The following AKAP13 variants were observed in gnomAD, a reference collection of about 807,000 sequenced individuals.
AKAP13 encodes A-kinase anchor protein 13.
Under a neutral mutation model 264.5 loss-of-function variants are expected in AKAP13, and 80 were observed. That is an observed-to-expected ratio of 0.30 (90% CI 0.25 to 0.36). The LOEUF is 0.36. Ranked by LOEUF, AKAP13 falls within the 10% of genes least tolerant of loss-of-function variation. The pLI, the probability that AKAP13 is intolerant of heterozygous loss-of-function variation, is 1.00. For missense variants in AKAP13, 3,712 were observed against 3,435.2 expected (o/e 1.08, Z -2.01); for synonymous variants, 1,380 against 1,250.2 (o/e 1.10, Z -2.19).
Position 85,744,795 on chromosome 15 carries a change from C to A in AKAP13, c.*118C>A. ...GCCCACTGCTCCTCAGCGTCCAGTC[C>A]TCCTGGGCGGCCCCAGGTCCTGGAC... On this transcript the variant is annotated 3_prime_UTR_variant, in exon 37 of 37. Coordinates refer to ENST00000394518, the MANE Select transcript of AKAP13 (RefSeq NM_007200.5). 1 of 955,404 alleles carries A rather than the reference C, an allele frequency of 1.0e-6. No individual in the cohort carries two copies. Among genetic ancestry groups the A allele is most frequent in the Non-Finnish European group, 1.5e-6 (1 of 647,846 alleles). The allele number at this position is 955,404 out of a possible 1,614,324, so 59.2% of individuals were successfully genotyped here.
chr15:85,680,801 G>T (rs1326698318), intron 14 of AKAP13, among the ~76,000 whole-genome samples: 2 of 152,126 alleles, frequency 1.3e-5, no homozygotes, highest in Non-Finnish European at 2.9e-5. Context: ...TCAAATGCGG[G>T]TAATCTGGGA....
intron 4 of AKAP13, among the ~76,000 whole-genome samples, chr15:85,541,919 G>A (rs1471939302): frequency 4.6e-5 from 7 of 152,224 alleles, no homozygotes; most frequent in South Asian, 4.1e-4. Context: ...CTGAGCAGGC[G>A]TGTGGCTGTA....
At chr15:85,688,498 C>G (rs993259796) in intron 16 of AKAP13, among the ~76,000 whole-genome samples, 1 of 152,100 alleles carries the variant, frequency 6.6e-6, no homozygotes, top group African/African-American at 2.4e-5. Flanking sequence ...AGAGAAGTGT[C>G]TAAGGATTAT....
At chr15:85,744,426 AAGGGAGCATTAGGCAGTGAAGGAT>A in intron 36 of AKAP13, 178 bp from the exon 37 acceptor site, 1 of 589,938 alleles carries the variant, frequency 1.7e-6, no homozygotes, top group East Asian at 3.0e-5. Flanking sequence ...TTAAAAGTTA[AAGGGAGCATTAGGCAGTGAAGGAT>A]ATCACTTAAG....
intron 14 of AKAP13, among the ~76,000 whole-genome samples, chr15:85,672,513 A>G (rs2083986206): frequency 6.6e-6 from 1 of 152,256 alleles, no homozygotes; most frequent in African/African-American, 2.4e-5. Flanking sequence ...CAAGTGTTCA[A>G]TTCCAAGTCA....
In AKAP13 at chr15:85,727,062, C is replaced by T; in HGVS notation, c.6823-4C>T. ...CTTTTATTTGCCCTCTTCCCTTTTT[C>T]CAGGACCAGAAGTCAACAGTGATCT... On this transcript the variant is annotated splice_region_variant and splice_polypyrimidine_tract_variant and intron_variant, in intron 27 of 36. Transcript: ENST00000394518. The surrounding 1 kb of genome is among the most constrained non-coding windows in gnomAD (Gnocchi z 5.3). The T allele has an allele frequency of 1.2e-6, 2 of 1,613,534 alleles. No individual in the cohort carries two copies. The highest frequency in any genetic ancestry group is 1.7e-6 in the Non-Finnish European group (2 of 1,179,798).
chr15:85,489,468 A>T (rs2075664158), intron 2 of AKAP13, among the ~76,000 whole-genome samples: 1 of 152,142 alleles, frequency 6.6e-6, no homozygotes, highest in Non-Finnish European at 1.5e-5. Context: ...AGTTGCAGGG[A>T]TTTATGCTGT....
chr15:85,398,590 C>T (rs1432367171), intron 1 of AKAP13, among the ~76,000 whole-genome samples: 7 of 152,186 alleles, frequency 4.6e-5, no homozygotes, highest in Non-Finnish European at 8.8e-5. Context: ...GAGTCTCACT[C>T]TGTCGCCCAG....
chr15:85,528,316 GT>G (rs1282151995), intron 3 of AKAP13, among the ~76,000 whole-genome samples: 5 of 152,130 alleles, frequency 3.3e-5, no homozygotes, highest in Non-Finnish European at 7.4e-5. Context: ...TTGTGTTTTT[GT>G]TTATTCTTTC....
chr15:85,673,347 T>G (rs2084021497), intron 14 of AKAP13, among the ~76,000 whole-genome samples: 1 of 152,166 alleles, frequency 6.6e-6, no homozygotes, highest in African/African-American at 2.4e-5. Context: ...CTGCAGTGTC[T>G]CCTGTCTTGG....
At chr15:85,412,628 A>G (rs2072031664) in intron 1 of AKAP13, among the ~76,000 whole-genome samples, 2 of 152,256 alleles carry the variant, frequency 1.3e-5, no homozygotes, top group Non-Finnish European at 1.5e-5. Context: ...CCCACATAAC[A>G]AAAGCTCTTT....
chr15:85,483,591 A>T lies in AKAP13; in HGVS notation c.-11-2119A>T, dbSNP rs576091607. On this transcript the variant is annotated intron_variant, in intron 1 of 36. Coordinates refer to ENST00000394518, the MANE Select transcript of AKAP13 (RefSeq NM_007200.5). ...CAGTGAGCCGAGATTGCGCCACTGCAGTCCGCAGTCCGGCCTGGGCGACAG... is the reference window on the plus strand; with the variant it reads ...CAGTGAGCCGAGATTGCGCCACTGCTGTCCGCAGTCCGGCCTGGGCGACAG... 2.1e-5 allele frequency among the ~76,000 whole-genome samples: 3 copies of T among 141,088 alleles called. No homozygotes were observed. In the East Asian group the frequency reaches 6.2e-4, roughly 29 times the overall value. 92.6% of individuals were successfully genotyped at this position (141,088 alleles called of 152,430 possible).
At chr15:85,417,362 TCTGATACTCA>T (rs1381232996) in intron 1 of AKAP13, among the ~76,000 whole-genome samples, 2 of 152,232 alleles carry the variant, frequency 1.3e-5, no homozygotes, top group Non-Finnish European at 2.9e-5. Flanking sequence ...AAGGAATCTT[TCTGATACTCA>T]CTGGTCCTTT....
At chr15:85,656,862 C>G (rs431810) in intron 11 of AKAP13, among the ~76,000 whole-genome samples, 1 of 152,064 alleles carries the variant, frequency 6.6e-6, no homozygotes, top group Non-Finnish European at 1.5e-5. Flanking sequence ...TATTCCAAAG[C>G]TACTTTGCTA....
intron 2 of AKAP13, among the ~76,000 whole-genome samples, chr15:85,518,293 G>C (rs1199937560): frequency 6.6e-6 from 1 of 152,140 alleles, no homozygotes; most frequent in East Asian, 1.9e-4. Context: ...TAGGTACCTG[G>C]TTCTACTGGA....
At chr15:85,619,614 G>A (rs1444778671) in intron 8 of AKAP13, 14 of 985,590 alleles carry the variant, frequency 1.4e-5, no homozygotes, top group South Asian at 4.7e-5. Context: ...AAATAGCGTC[G>A]TCTTCCTTTC....
intron 33 of AKAP13, 73 bp downstream of exon 33, chr15:85,736,207 CTTTTTTTTTTTTCT>C: frequency 9.5e-7 from 1 of 1,057,644 alleles, no homozygotes; most frequent in African/African-American, 1.7e-5. Flanking sequence ...TTGTTTTTTC[CTTTTTTTTTTTTCT>C]TTTTGCTGTT....
intron 8 of AKAP13, among the ~76,000 whole-genome samples, chr15:85,634,823 T>C (rs531180490): frequency 6.7e-6 from 1 of 149,618 alleles, no homozygotes; most frequent in South Asian, 2.1e-4. Context: ...ATACAATACA[T>C]AGTCTTTTGA....
rs2150884316 is a variant in AKAP13, at chr15:85,415,851, AAT to A, written c.-12+35054_-12+35055del. Among the ~76,000 whole-genome samples, 3 of 152,310 alleles carry A rather than the reference AAT, an allele frequency of 2.0e-5. No individual in the cohort carries two copies. In the East Asian group the frequency reaches 5.8e-4, roughly 29 times the overall value. On this transcript the variant is annotated intron_variant, in intron 1 of 36. Transcript: ENST00000394518. Reference sequence around the variant, plus strand: ...TAAATGTGTTTGTGCTAATAAAAAAAATGAGATGTGTATATTGATGATTATCT... The same window carrying A: ...TAAATGTGTTTGTGCTAATAAAAAAAGAGATGTGTATATTGATGATTATCT...
Sources: gnomAD v4.1 joint callset for allele counts (sites outside exome capture counted in the v4.1 genomes callset) on GRCh38, gnomAD v4.1.1 for gene constraint, Gnocchi (gnomAD v3.1) non-coding constraint, MANE v1.5 for transcripts, NCBI Gene and HGNC (gene_info 2026-07-23, HGNC 2026-07-21) for gene names.